NAA35: variants seen among roughly 807,000 people sequenced by gnomAD.
NAA35 encodes the protein MAK10 homolog, amino-acid N-acetyltransferase subunit.
In NAA35, 18 loss-of-function variants were observed where a neutral mutation model predicts 101.7. That is an observed-to-expected ratio of 0.18 (90% CI 0.12 to 0.26). The LOEUF (loss-of-function observed/expected upper bound fraction) is 0.26. NAA35 is among the 10% of genes least tolerant of loss of function. NAA35 has a pLI of 1.00. For missense variants in NAA35, 601 were observed against 886.8 expected (o/e 0.68, Z 4.09); for synonymous variants, 267 against 273.1 (o/e 0.98, Z 0.22).
chr9:85,985,754 C>A (rs1830622144), intron 11 of NAA35, among the ~76,000 whole-genome samples: 1 of 152,050 alleles, frequency 6.6e-6, no homozygotes, highest in Non-Finnish European at 1.5e-5. Flanking sequence ...TTAATTATAT[C>A]TCATTAGAAT....
chr9:85,969,010 CA>C (rs1829881970), intron 6 of NAA35, among the ~76,000 whole-genome samples: 1 of 152,058 alleles, frequency 6.6e-6, no homozygotes, highest in Non-Finnish European at 1.5e-5. Context: ...GATAATCTGT[CA>C]GTTGTATATA....
chr9:85,972,323 T>C (rs1354534548), intron 6 of NAA35, among the ~76,000 whole-genome samples: 2 of 151,672 alleles, frequency 1.3e-5, no homozygotes, highest in African/African-American at 4.8e-5. Context: ...CTGGACAACA[T>C]GGCGAGATCT....
chr9:85,986,945 G>A (rs1176873783), intron 11 of NAA35: 1 of 163,704 alleles, frequency 6.1e-6, no homozygotes, highest in African/African-American at 2.4e-5. Flanking sequence ...AATTGGTCTT[G>A]CATCACACAT....
At position 86,011,657 on chromosome 9, in the gene NAA35, G is replaced by C. The variant is rs191359570; in HGVS notation, c.1291-1389G>C. On this transcript the variant is annotated intron_variant, in intron 15 of 22. Coordinates refer to ENST00000361671, the MANE Select transcript of NAA35 (RefSeq NM_024635.4). Reference sequence around the variant, plus strand: ...TTACAGGCAGGAGCCACCGCACCCGGCTTCATTTTTATTTAATTAGATGTA... The same window carrying C: ...TTACAGGCAGGAGCCACCGCACCCGCCTTCATTTTTATTTAATTAGATGTA... Among the ~76,000 whole-genome samples, 31 of 150,876 alleles carry C rather than the reference G, an allele frequency of 2.1e-4. 1 individual carries two copies. Among genetic ancestry groups the C allele is most frequent in the Admixed American group, 2.1e-3 (31 of 15,118 alleles).
intron 11 of NAA35, among the ~76,000 whole-genome samples, chr9:85,982,077 A>G (rs889917657): frequency 5.9e-5 from 9 of 152,220 alleles, no homozygotes; most frequent in Non-Finnish European, 1.3e-4. Flanking sequence ...TTCTCAATGC[A>G]TAGTAATATC....
intron 11 of NAA35, among the ~76,000 whole-genome samples, chr9:85,993,825 A>T (rs1369509213): frequency 6.6e-6 from 1 of 151,840 alleles, no homozygotes; most frequent in African/African-American, 2.4e-5. Context: ...CTTTGCATCT[A>T]TTAGATAGGG....
chr9:86,001,190 A>G (rs1288332431), intron 12 of NAA35, among the ~76,000 whole-genome samples: 7 of 152,086 alleles, frequency 4.6e-5, no homozygotes, highest in Admixed American at 1.3e-4. Flanking sequence ...ATGTAATTGC[A>G]TGGTTTTGAG....
intron 6 of NAA35, among the ~76,000 whole-genome samples, chr9:85,965,717 A>G (rs935693504): frequency 6.6e-6 from 1 of 152,108 alleles, no homozygotes; most frequent in African/African-American, 2.4e-5. Flanking sequence ...TAGAGATAAG[A>G]TTAGATTTCT....
rs142966881 is a variant in NAA35 at position 85,986,357 on chromosome 9, A to T, written c.877+7976A>T. 3.7e-4 allele frequency: 173 copies of T among 465,970 alleles called. 4 individuals carry two copies. The East Asian group carries it at 0.011, about 30-fold the overall frequency. The allele number at this position is 465,970 out of a possible 1,614,324, so 28.9% of individuals were successfully genotyped here. A position where few individuals can be genotyped will look rare whatever the true frequency, so the allele number is the denominator to read the frequency against. ...AATATGGATTATAACCAAAATTATG[A>T]TCTAACAGTGTTGTAGGTGAGGGGA... is the stretch of plus-strand genomic sequence containing the variant. On this transcript the variant is annotated intron_variant, in intron 11 of 22. Coordinates refer to ENST00000361671, the MANE Select transcript of NAA35 (RefSeq NM_024635.4).
intron 2 of NAA35, among the ~76,000 whole-genome samples, chr9:85,956,097 A>G (rs1829262162): frequency 6.6e-6 from 1 of 152,286 alleles, no homozygotes; most frequent in South Asian, 2.1e-4. Flanking sequence ...TGATTGGAAT[A>G]TTATGGCCTG....
intron 21 of NAA35, among the ~76,000 whole-genome samples, chr9:86,019,907 CAGT>C (rs1449733776): frequency 6.6e-6 from 1 of 152,110 alleles, no homozygotes; most frequent in Non-Finnish European, 1.5e-5. Context: ...TAGGAAGAAA[CAGT>C]AGTATCCATC....
chr9:85,976,861 C>A, intron 9 of NAA35, 126 bp downstream of exon 9: 1 of 641,274 alleles, frequency 1.6e-6, no homozygotes, highest in Non-Finnish European at 2.6e-6. Context: ...TTGGACATTG[C>A]AAGGGATTTT....
chr9:85,982,214 T>C (rs951951068), intron 11 of NAA35, among the ~76,000 whole-genome samples: 1 of 152,098 alleles, frequency 6.6e-6, no homozygotes, highest in Non-Finnish European at 1.5e-5. Context: ...CCCTGGAAAA[T>C]GGATAGAGAA....
intron 11 of NAA35, among the ~76,000 whole-genome samples, chr9:85,980,621 A>G (rs546211099): frequency 4.2e-4 from 64 of 152,016 alleles, no homozygotes; most frequent in Non-Finnish European, 8.4e-4. Context: ...TCTTTCCATG[A>G]GATTTTGAGC....
In NAA35 at chr9:86,022,782, G is replaced by GC. The variant is rs902389682; in HGVS notation, c.*823dup. Among the ~76,000 whole-genome samples, 5 of 152,126 alleles carry GC rather than the reference G, an allele frequency of 3.3e-5. No homozygotes were observed. The highest frequency in any genetic ancestry group is 5.9e-5 in the Non-Finnish European group (4 of 68,022). On this transcript the variant is annotated 3_prime_UTR_variant, in exon 23 of 23. Coordinates refer to ENST00000361671, the MANE Select transcript of NAA35 (RefSeq NM_024635.4). ...AAACTGACTACATCCCCCTGTGCTT[G>GC]CAAGTGCCTGCTGCCAGAGGCCCTC...
chr9:85,983,482 A>G (rs1830520942), intron 11 of NAA35, among the ~76,000 whole-genome samples: 1 of 152,118 alleles, frequency 6.6e-6, no homozygotes, highest in East Asian at 1.9e-4. Flanking sequence ...TATGTGCTCT[A>G]GTTTCAAATC....
intron 14 of NAA35, among the ~76,000 whole-genome samples, chr9:86,008,330 G>A (rs1831740993): frequency 6.6e-6 from 1 of 152,172 alleles, no homozygotes; most frequent in East Asian, 1.9e-4. Context: ...CCAAAGTGCT[G>A]GGATTATAGG....
At chr9:85,969,694 T>C (rs549261335) in intron 6 of NAA35, among the ~76,000 whole-genome samples, 2 of 152,142 alleles carry the variant, frequency 1.3e-5, no homozygotes, top group Admixed American at 1.3e-4. Flanking sequence ...AGACCCCATC[T>C]ACAAAAAATA....
Position 85,978,696 on chromosome 9 carries a change from A to G in NAA35, c.877+315A>G, listed in dbSNP as rs548658258. Among the ~76,000 whole-genome samples the G allele has an allele frequency of 2.6e-5, 4 of 152,274 alleles. No individual in the cohort carries two copies. The South Asian group carries it at 8.3e-4, about 32-fold the overall frequency. ...GCCAGCGCAATGAGAACAGCAGAGA[A>G]AGAGTTTAATTATCATGAGTCAGCC... On this transcript the variant is annotated intron_variant, in intron 11 of 22. Coordinates refer to ENST00000361671, the MANE Select transcript of NAA35 (RefSeq NM_024635.4).
Sources: gnomAD v4.1 joint callset for allele counts (sites outside exome capture counted in the v4.1 genomes callset) on GRCh38, gnomAD v4.1.1 for gene constraint, MANE v1.5 for transcripts, NCBI Gene and HGNC (gene_info 2026-07-23, HGNC 2026-07-21) for gene names.